Variants in RIC8B observed in about 807,000 individuals in gnomAD.
RIC8B encodes RIC8 guanine nucleotide exchange factor B.
A neutral mutation model predicts 57.5 loss-of-function variants in RIC8B; 16 were observed. That is an observed-to-expected ratio of 0.28 (90% CI 0.19 to 0.42). The LOEUF is 0.42. RIC8B is among the 10% of genes least tolerant of loss of function. The pLI is 1.00. For synonymous variants in RIC8B, 216 were observed against 250.8 expected, an observed-to-expected ratio of 0.86 and a Z score of 1.31; for missense variants, 481 against 677.0, an observed-to-expected ratio of 0.71 and a Z score of 3.21.
At chr12:106,883,271 C>T (rs1310357250) in intron 9 of RIC8B, among the ~76,000 whole-genome samples, 1 of 152,212 alleles carries the variant, frequency 6.6e-6, no homozygotes, top group Non-Finnish European at 1.5e-5. Context: ...TCTCCCTCTT[C>T]TCCTTTTGCT....
At chr12:106,784,125 C>A (rs2043890370) in intron 2 of RIC8B, 81 bp downstream of exon 2, 3 of 1,252,996 alleles carry the variant, frequency 2.4e-6, no homozygotes, top group Admixed American at 3.8e-5. Context: ...GTCATGTTTT[C>A]ATCTGATGGT....
At position 106,886,739 on chromosome 12, in the gene RIC8B, C is replaced by A. The variant is rs1951198859; in HGVS notation, c.*724C>A. 6.6e-6 allele frequency: 1 copy of A among 152,644 alleles called. No individual in the cohort carries two copies. The highest frequency in any genetic ancestry group is 2.4e-5 in the African/African-American group (1 of 41,460). 9.5% of individuals were successfully genotyped at this position (152,644 alleles called of 1,614,324 possible). ...TAGTACCATAGAACTGAACCACCATCTGTATCAGCGCATGGGGAGTGTGCA... is the reference window on the plus strand; with the variant it reads ...TAGTACCATAGAACTGAACCACCATATGTATCAGCGCATGGGGAGTGTGCA... On this transcript the variant is annotated 3_prime_UTR_variant, in exon 10 of 10. Transcript: ENST00000392837.
chr12:106,799,999 C>T (rs2044657227), intron 2 of RIC8B, among the ~76,000 whole-genome samples: 1 of 152,122 alleles, frequency 6.6e-6, no homozygotes, highest in Admixed American at 6.5e-5. Flanking sequence ...TTTCTCCTAG[C>T]TTGTGAGCAG....
chr12:106,881,335 AGTT>A (rs1322312963), intron 9 of RIC8B, among the ~76,000 whole-genome samples: 8 of 149,746 alleles, frequency 5.3e-5, no homozygotes, highest in Non-Finnish European at 1.0e-4. Flanking sequence ...ATCTCTTTTG[AGTT>A]GTTTTTTTTT....
intron 4 of RIC8B, among the ~76,000 whole-genome samples, chr12:106,826,951 G>A (rs2046131983): frequency 1.3e-5 from 2 of 152,134 alleles, no homozygotes; most frequent in South Asian, 4.1e-4. Context: ...GCGCACGCCT[G>A]TAGACCCAGC....
chr12:106,804,276 G>A (rs1364465072), intron 2 of RIC8B, among the ~76,000 whole-genome samples: 4 of 149,922 alleles, frequency 2.7e-5, no homozygotes, highest in Admixed American at 6.7e-5. Flanking sequence ...GTGCAATGGC[G>A]TGATCTCTGC....
rs1272371403 is a variant in RIC8B, at chr12:106,819,706, C to T, written c.741+4402C>T. On this transcript the variant is annotated intron_variant, in intron 3 of 9. Transcript: ENST00000392837. ...GCCCAGAAGGTTAAGGCTGCATTAC[C>T]GCATTCCCGCCTGGGTAACAGCGTC... 9.5e-5 allele frequency among the ~76,000 whole-genome samples: 14 copies of T among 147,630 alleles called. No individual in the cohort carries two copies. In the East Asian group the frequency reaches 2.0e-3, roughly 21 times the overall value.
chr12:106,856,454 C>G (rs1448069254), intron 7 of RIC8B, among the ~76,000 whole-genome samples: 1 of 152,184 alleles, frequency 6.6e-6, no homozygotes, highest in Non-Finnish European at 1.5e-5. Context: ...TTATACTGCA[C>G]CATTTCTTGG....
chr12:106,776,911 C>T (rs984706958), intron 1 of RIC8B, among the ~76,000 whole-genome samples: 1 of 152,202 alleles, frequency 6.6e-6, no homozygotes, highest in Non-Finnish European at 1.5e-5. Context: ...GTATCTGTCA[C>T]CCAGGCTGGA....
chr12:106,865,772 A>G (rs988034848), intron 8 of RIC8B, among the ~76,000 whole-genome samples: 14 of 152,104 alleles, frequency 9.2e-5, no homozygotes, highest in Admixed American at 7.2e-4. Flanking sequence ...TGTAAATCAG[A>G]CTAGTCAACT....
chr12:106,781,746 AG>A (rs1399074989), intron 1 of RIC8B, among the ~76,000 whole-genome samples: 4 of 152,190 alleles, frequency 2.6e-5, no homozygotes, highest in African/African-American at 4.8e-5. Flanking sequence ...GCCAAAAAAA[AG>A]TTTAGAAGAA....
rs185640669 is a variant in RIC8B at position 106,885,367 on chromosome 12, G to A, written c.1572-537G>A. Among the ~76,000 whole-genome samples the A allele has an allele frequency of 6.7e-4, 102 of 152,184 alleles. 1 individual carries two copies. The highest frequency in any genetic ancestry group is 1.2e-3 in the Non-Finnish European group (83 of 68,016). On this transcript the variant is annotated intron_variant, in intron 9 of 9. Transcript: ENST00000392837. The stretch of plus-strand genomic sequence containing the variant: ...AGAGAGAGAGAAGGAAAGAAAAGTC[G>A]GGGAGAGAGTTGGGGAAGGCCAACT...
Position 106,879,517 on chromosome 12 carries a change from A to G in RIC8B, c.1572-6387A>G, listed in dbSNP as rs1950825261. Reference sequence around the variant, plus strand: ...TACAGGCAAACGGTGGCTCAGGAAAATGTTAAAATATATCTGGAAAAAAAA... The same window carrying G: ...TACAGGCAAACGGTGGCTCAGGAAAGTGTTAAAATATATCTGGAAAAAAAA... On this transcript the variant is annotated intron_variant, in intron 9 of 9. Transcript: ENST00000392837. The surrounding 1 kb of genome is among the most constrained non-coding windows in gnomAD (Gnocchi z 4.9). 2 of 985,032 alleles carry G rather than the reference A, an allele frequency of 2.0e-6. No individual in the cohort carries two copies. Among genetic ancestry groups the G allele is most frequent in the Non-Finnish European group, 2.4e-6 (2 of 829,856 alleles). The allele number at this position is 985,032 out of a possible 1,614,324, so 61.0% of individuals were successfully genotyped here.
In RIC8B at chr12:106,860,286, A is replaced by C; in HGVS notation, c.1325A>C (p.Tyr442Ser). 1 of 1,595,072 alleles carries C rather than the reference A, an allele frequency of 6.3e-7. No individual in the cohort carries two copies. Among genetic ancestry groups the C allele is most frequent in the Admixed American group, 1.8e-5 (1 of 56,504 alleles). The change falls in exon 8 of 10, where the codon TAC becomes TCC. Residue 442 changes from tyrosine (Y) to serine (S), a missense_variant. Physicochemically the swap from Tyr to Ser is moderately radical, Grantham distance 144. Transcript: ENST00000392837. ...TTTGCAGTGGATAGTCTGCTGAAAT[A>C]CACTGGCTATGGGAATGCTGCAGGA... ...CKERVDSLLK[Y>S]TGYGNAAGLL...
At chr12:106,833,216 C>T (rs146378146) in intron 4 of RIC8B, among the ~76,000 whole-genome samples, 9 of 151,944 alleles carry the variant, frequency 5.9e-5, no homozygotes, top group East Asian at 3.9e-4. Context: ...AACTGACATA[C>T]GAAATAATGA....
At chr12:106,862,394 T>A (rs1279745910) in intron 8 of RIC8B, among the ~76,000 whole-genome samples, 1 of 152,104 alleles carries the variant, frequency 6.6e-6, no homozygotes, top group South Asian at 2.1e-4. Context: ...AATGTTACTT[T>A]AAAATATTTG....
rs2045863407 is a variant in RIC8B at position 106,821,990 on chromosome 12, A to G, written c.742-3736A>G. ...CTACTCAGGAGGCTGAGGCAGGACA[A>G]TGGCGTGAATCCGGGAGGCGGAGCT... On this transcript the variant is annotated intron_variant, in intron 3 of 9. Transcript: ENST00000392837. Among the ~76,000 whole-genome samples, 5 of 147,970 alleles carry G rather than the reference A, an allele frequency of 3.4e-5. No homozygotes were observed. In the Admixed American group the frequency reaches 3.4e-4, roughly 10 times the overall value.
At chr12:106,827,499 TAAATC>T (rs910826852) in intron 4 of RIC8B, among the ~76,000 whole-genome samples, 1 of 152,236 alleles carries the variant, frequency 6.6e-6, no homozygotes, top group African/African-American at 2.4e-5. Flanking sequence ...ATTTTTCAAT[TAAATC>T]CATATTATTT....
chr12:106,876,801 C>T (rs887834371), intron 9 of RIC8B, among the ~76,000 whole-genome samples: 2 of 152,050 alleles, frequency 1.3e-5, no homozygotes, highest in Admixed American at 1.3e-4. Context: ...TCTTAGTTCT[C>T]CTCATTCTTT....
Sources: allele counts gnomAD v4.1 joint callset (sites outside exome capture counted in the v4.1 genomes callset), GRCh38; gene constraint gnomAD v4.1.1; non-coding constraint Gnocchi (gnomAD v3.1); transcripts MANE v1.5; gene names NCBI Gene and HGNC (gene_info 2026-07-23, HGNC 2026-07-21).